YTHDF3: variants seen among roughly 807,000 people sequenced by gnomAD.
The protein encoded by YTHDF3 is YTH N6-methyladenosine RNA binding protein F3, also known as YTH domain-containing family protein 3.
In YTHDF3, 9 loss-of-function variants were observed where a neutral mutation model predicts 52.5. The ratio of observed to expected loss-of-function variants is 0.17; its 90% CI spans 0.10 to 0.30. The LOEUF (loss-of-function observed/expected upper bound fraction) is 0.30, where lower values mean the gene tolerates loss of function less well. YTHDF3 is among the 10% of genes least tolerant of loss of function. The pLI, the probability that YTHDF3 is intolerant of heterozygous loss-of-function variation, is 1.00. For missense variants in YTHDF3, 534 were observed against 715.0 expected, an observed-to-expected ratio of 0.75 and a Z score of 2.89; for synonymous variants, 274 against 243.3, an observed-to-expected ratio of 1.13 and a Z score of -1.18.
Position 63,211,116 on chromosome 8 carries a change from T to A in YTHDF3, c.*1410T>A, listed in dbSNP as rs1044995125. The A allele has an allele frequency of 4.6e-5, 7 of 152,600 alleles. No homozygotes were observed. The highest frequency in any genetic ancestry group is 1.4e-4 in the African/African-American group (6 of 41,458). 9.5% of individuals were successfully genotyped at this position (152,600 alleles called of 1,614,324 possible). On this transcript the variant is annotated 3_prime_UTR_variant, in exon 5 of 5. Transcript: ENST00000539294. ...GAAATGTTTTCATTTACTGTGGTCT[T>A]TGGTCACTTCAGCTCAAAGACCTAG...
intron 3 of YTHDF3, among the ~76,000 whole-genome samples, chr8:63,181,377 C>G (rs1808126152): frequency 6.6e-6 from 1 of 152,192 alleles, no homozygotes; most frequent in African/African-American, 2.4e-5. Flanking sequence ...AGCTTCTCAA[C>G]AGTGGATGCA....
At chr8:63,208,025 T>C (rs1395742730) in intron 4 of YTHDF3, among the ~76,000 whole-genome samples, 3 of 152,216 alleles carry the variant, frequency 2.0e-5, no homozygotes, top group Non-Finnish European at 2.9e-5. Context: ...ATCCTTGTTT[T>C]ATCTTTTCTT....
chr8:63,194,139 C>T (rs573976801), intron 4 of YTHDF3, among the ~76,000 whole-genome samples: 12 of 151,792 alleles, frequency 7.9e-5, no homozygotes, highest in Non-Finnish European at 1.6e-4. Flanking sequence ...TAGTTAGATG[C>T]GAAAGTATTG....
Position 63,209,696 on chromosome 8 carries a change from A to G in YTHDF3, c.1748A>G (p.Asn583Ser), listed in dbSNP as rs202058325. The change falls in exon 5 of 5, where the codon AAC (asparagine) becomes AGC (serine). Residue 583 changes from asparagine (N) to serine (S), a missense_variant. Coordinates refer to ENST00000539294, the MANE Select transcript of YTHDF3 (RefSeq NM_152758.6). Reference sequence around the variant, plus strand: ...TTTTTTTTTCAGGAGAGAAATAGAAACAAACAATAACCGTATGAAGATGTC... The same window carrying G: ...TTTTTTTTTCAGGAGAGAAATAGAAGCAAACAATAACCGTATGAAGATGTC... ...EEAMRRERNR[N>S]KQ is the part of the protein sequence containing the mutation. 1.6e-4 allele frequency: 256 copies of G among 1,575,244 alleles called. 1 individual carries two copies. The African/African-American group carries it at 2.7e-3, about 17-fold the overall frequency.
intron 4 of YTHDF3, among the ~76,000 whole-genome samples, chr8:63,189,257 A>G (rs1327512310): frequency 6.6e-6 from 1 of 152,200 alleles, no homozygotes; most frequent in African/African-American, 2.4e-5. Flanking sequence ...TAGCCCCCCA[A>G]ATATTGGCTA....
chr8:63,203,256 A>T (rs1809762299), intron 4 of YTHDF3, among the ~76,000 whole-genome samples: 1 of 151,882 alleles, frequency 6.6e-6, no homozygotes, highest in South Asian at 2.1e-4. Context: ...AAAAAAAAAA[A>T]ATGCAGTCTG....
At chr8:63,169,559 T>A in intron 2 of YTHDF3, 148 bp downstream of exon 2, 1 of 858,910 alleles carries the variant, frequency 1.2e-6, no homozygotes, top group Non-Finnish European at 1.8e-6. Flanking sequence ...GGTAGCCAAG[T>A]TCTATCCAGA....
Position 63,168,841 on chromosome 8 carries a change from A to AGCG in YTHDF3, c.-22_-20dup, listed in dbSNP as rs753271558. On this transcript the variant is annotated 5_prime_UTR_variant, in exon 1 of 5. Transcript: ENST00000539294. ...TGAGTGCACGGGGAGAGGCCCAGGC[A>AGCG]GCGGCGGCGGCGGCGGCTCTCGGGT... 319 of 1,552,944 alleles carry AGCG rather than the reference A, an allele frequency of 2.1e-4. No individual in the cohort carries two copies. The highest frequency in any genetic ancestry group is 3.3e-4 in the Middle Eastern group (2 of 5,974).
chr8:63,171,115 C>T (rs1419134329), intron 2 of YTHDF3, among the ~76,000 whole-genome samples: 2 of 152,114 alleles, frequency 1.3e-5, no homozygotes, highest in African/African-American at 2.4e-5. Context: ...AAGAAATTTT[C>T]TTTCTTTCCC....
chr8:63,173,213 T>TATATATATATATATATATATACAC (rs947970396), intron 2 of YTHDF3, among the ~76,000 whole-genome samples: 4 of 146,140 alleles, frequency 2.7e-5, no homozygotes, highest in African/African-American at 1.1e-4. Context: ...TATATATATA[T>TATATATATATATATATATATACAC]ACAGATAAAT....
intron 4 of YTHDF3, among the ~76,000 whole-genome samples, chr8:63,206,163 T>C (rs1810017307): frequency 6.6e-6 from 1 of 152,080 alleles, no homozygotes; most frequent in Non-Finnish European, 1.5e-5. Flanking sequence ...AACCTCTGCC[T>C]CCCGGGTTCA....
intron 1 of YTHDF3, 118 bp from the exon 2 acceptor site, chr8:63,169,269 T>G (rs1585731866): frequency 4.8e-5 from 67 of 1,394,036 alleles, no homozygotes; most frequent in Non-Finnish European, 9.8e-7. Flanking sequence ...ATATGGTGGG[T>G]TTTTACTCCT....
intron 3 of YTHDF3, among the ~76,000 whole-genome samples, chr8:63,181,807 A>G (rs1808157882): frequency 6.6e-6 from 1 of 152,216 alleles, no homozygotes; most frequent in South Asian, 2.1e-4. Flanking sequence ...ATTCATGTTT[A>G]TTAAGTGAAT....
At chr8:63,207,753 T>G (rs1335416063) in intron 4 of YTHDF3, among the ~76,000 whole-genome samples, 15 of 152,182 alleles carry the variant, frequency 9.9e-5, no homozygotes, top group Admixed American at 6.5e-5. Flanking sequence ...TTTCCTGTAG[T>G]TTCTAGGGCT....
At chr8:63,177,789 G>A (rs1585744279) in intron 3 of YTHDF3, among the ~76,000 whole-genome samples, 1 of 147,018 alleles carries the variant, frequency 6.8e-6, no homozygotes. Flanking sequence ...ACGGAGTCTC[G>A]CTCTGTTGCC....
chr8:63,188,339 A>C (rs1428607827), intron 4 of YTHDF3, among the ~76,000 whole-genome samples: 1 of 151,212 alleles, frequency 6.6e-6, no homozygotes, highest in East Asian at 1.9e-4. Context: ...TATATTATTT[A>C]ATTTTTTTTC....
chr8:63,192,075 C>G (rs913326081), intron 4 of YTHDF3, among the ~76,000 whole-genome samples: 1 of 152,304 alleles, frequency 6.6e-6, no homozygotes, highest in South Asian at 2.1e-4. Context: ...TGTAACCACC[C>G]TATCAGTTAG....
chr8:63,208,987 C>G (rs1211903044), intron 4 of YTHDF3, among the ~76,000 whole-genome samples: 2 of 152,160 alleles, frequency 1.3e-5, no homozygotes, highest in African/African-American at 4.8e-5. Context: ...CCTGCTTCAG[C>G]CTCCCCAGTA....
At chr8:63,170,463 T>A (rs1807251030) in intron 2 of YTHDF3, among the ~76,000 whole-genome samples, 2 of 152,164 alleles carry the variant, frequency 1.3e-5, no homozygotes, top group African/African-American at 4.8e-5. Context: ...TTAGGTAACA[T>A]TTTGTTTGTT....
Sources: allele counts gnomAD v4.1 joint callset (sites outside exome capture counted in the v4.1 genomes callset), GRCh38; gene constraint gnomAD v4.1.1; transcripts MANE v1.5; gene names NCBI Gene and HGNC (gene_info 2026-07-23, HGNC 2026-07-21).